DNER: variants seen among roughly 807,000 people sequenced by gnomAD.
The protein encoded by DNER is delta and Notch-like epidermal growth factor-related receptor.
Under a neutral mutation model 78.2 loss-of-function variants are expected in DNER, and 33 were observed. The observed-to-expected ratio is 0.42, with a 90% CI of 0.32 to 0.56. The LOEUF (loss-of-function observed/expected upper bound fraction) is 0.56. DNER is among the 20% of genes least tolerant of loss of function. The probability of loss-of-function intolerance (pLI) is 0.11; values close to 1 mark genes in which losing one functional copy is unlikely to be tolerated. For synonymous variants in DNER, 417 were observed against 384.8 expected, an observed-to-expected ratio of 1.08 and a Z score of -0.98; for missense variants, 918 against 975.3, an observed-to-expected ratio of 0.94 and a Z score of 0.78.
chr2:229,572,585 G>T (rs1697235361), intron 4 of DNER, among the ~76,000 whole-genome samples: 1 of 152,170 alleles, frequency 6.6e-6, no homozygotes, highest in Admixed American at 6.5e-5. Context: ...AAAGCACTGT[G>T]CTAAAGGAAC....
intron 5 of DNER, among the ~76,000 whole-genome samples, chr2:229,532,216 C>T (rs1001218478): frequency 6.6e-6 from 1 of 152,120 alleles, no homozygotes; most frequent in South Asian, 2.1e-4. Flanking sequence ...CCTGACATCA[C>T]TCGCTCAGAA....
chr2:229,379,706 T>C (rs1692692498), intron 11 of DNER, among the ~76,000 whole-genome samples: 1 of 152,166 alleles, frequency 6.6e-6, no homozygotes, highest in South Asian at 2.1e-4. Context: ...TGATCCCATT[T>C]TCTGGAAAAG....
At position 229,542,520 on chromosome 2, in the gene DNER, T is replaced by C. The variant is rs542539569; in HGVS notation, c.993+4427A>G. On this transcript the variant is annotated intron_variant, in intron 5 of 12. Transcript: ENST00000341772. ...AATAACAGAATTGCTTTTATTTTGA[T>C]GGATGATCTAATAAAAAGACATAAA... 2.0e-4 allele frequency among the ~76,000 whole-genome samples: 31 copies of C among 152,264 alleles called. No individual in the cohort carries two copies. In the Middle Eastern group the frequency reaches 0.014, roughly 67 times the overall value.
chr2:229,684,684 T>C (rs546561022), intron 1 of DNER, among the ~76,000 whole-genome samples: 13 of 152,214 alleles, frequency 8.5e-5, no homozygotes, highest in African/African-American at 3.1e-4. Flanking sequence ...TATGAGTGAG[T>C]GGAATTTACC....
chr2:229,684,719 T>C (rs12466507), intron 1 of DNER, among the ~76,000 whole-genome samples: 2 of 152,072 alleles, frequency 1.3e-5, no homozygotes, highest in African/African-American at 4.8e-5. Context: ...GGGGCAGTTT[T>C]CTTGGAGGTG....
intron 6 of DNER, among the ~76,000 whole-genome samples, chr2:229,493,344 A>C (rs1302794358): frequency 6.6e-6 from 1 of 152,234 alleles, no homozygotes; most frequent in Non-Finnish European, 1.5e-5. Flanking sequence ...CAGAAAAAGA[A>C]ATAGCTCCTT....
intron 10 of DNER, among the ~76,000 whole-genome samples, chr2:229,397,207 G>T (rs1693164165): frequency 1.3e-5 from 2 of 152,038 alleles, no homozygotes; most frequent in Non-Finnish European, 2.9e-5. Flanking sequence ...ATTCCAAGAA[G>T]TTGAGAGAAA....
At chr2:229,672,969 T>C (rs1699234813) in intron 1 of DNER, among the ~76,000 whole-genome samples, 1 of 152,226 alleles carries the variant, frequency 6.6e-6, no homozygotes, top group African/African-American at 2.4e-5. Context: ...ACTGTCGTTT[T>C]GAGAGCCGCC....
intron 8 of DNER, among the ~76,000 whole-genome samples, chr2:229,420,562 A>C (rs749451310): frequency 2.6e-5 from 4 of 152,188 alleles, no homozygotes; most frequent in Non-Finnish European, 5.9e-5. Flanking sequence ...CAGGCCTTAC[A>C]TCTAAGCTTT....
chr2:229,493,184 G>A (rs142629688), intron 6 of DNER, among the ~76,000 whole-genome samples: 26 of 152,266 alleles, frequency 1.7e-4, no homozygotes, highest in Non-Finnish European at 2.4e-4. Context: ...CAACATTCCC[G>A]TTGCCTCGGA....
intron 11 of DNER, among the ~76,000 whole-genome samples, chr2:229,387,523 GAA>G (rs1185183354): frequency 3.4e-5 from 4 of 117,492 alleles, no homozygotes; most frequent in Admixed American, 1.8e-4. Flanking sequence ...AAGAAAGAAA[GAA>G]AGAAAGAAAG....
At chr2:229,490,740 T>C (rs374114623) in intron 6 of DNER, among the ~76,000 whole-genome samples, 4 of 152,244 alleles carry the variant, frequency 2.6e-5, no homozygotes, top group Admixed American at 1.3e-4. Flanking sequence ...TGTATCTCAA[T>C]AAAGCTGTTA....
In DNER at chr2:229,714,262, C is replaced by A. The variant is rs1384475800; in HGVS notation, c.162G>T (p.Arg54=). 1 of 1,402,338 alleles carries A rather than the reference C, an allele frequency of 7.1e-7. No individual in the cohort carries two copies. Among genetic ancestry groups the A allele is most frequent in the Non-Finnish European group, 9.3e-7 (1 of 1,079,386 alleles). 86.9% of individuals were successfully genotyped at this position (1,402,338 alleles called of 1,614,324 possible). A position where few individuals can be genotyped will look rare whatever the true frequency, so the allele number is the denominator to read the frequency against. Residue 54 remains arginine (R), a synonymous_variant, in exon 1 of 13, where the codon CGG becomes CGT. Coordinates refer to ENST00000341772, the MANE Select transcript of DNER (RefSeq NM_139072.4). ...GGCGCGAGGTGCACACACCCCCATT[C>A]CGGCAGGGCTGCGCGGCGCACGGCC... ...APGPCAAQPC[R]NGGVCTSRPE...
chr2:229,569,724 T>C (rs1377603380), intron 4 of DNER, among the ~76,000 whole-genome samples: 1 of 152,160 alleles, frequency 6.6e-6, no homozygotes, highest in Non-Finnish European at 1.5e-5. Context: ...GTTACATTAT[T>C]ATTGTTTATT....
chr2:229,507,265 C>CATA (rs1695762807), intron 6 of DNER, among the ~76,000 whole-genome samples: 1 of 152,214 alleles, frequency 6.6e-6, no homozygotes, highest in Non-Finnish European at 1.5e-5. Flanking sequence ...CGGTCCATCA[C>CATA]TGACTGTCAG....
At chr2:229,627,240 G>A (rs1036988665) in intron 1 of DNER, among the ~76,000 whole-genome samples, 1 of 152,068 alleles carries the variant, frequency 6.6e-6, no homozygotes, top group Non-Finnish European at 1.5e-5. Context: ...CTCACAATAA[G>A]CACCTACAGA....
chr2:229,532,854 G>T (rs1473986138), intron 5 of DNER, among the ~76,000 whole-genome samples: 1 of 152,210 alleles, frequency 6.6e-6, no homozygotes, highest in Non-Finnish European at 1.5e-5. Context: ...GCCCCCTGTG[G>T]GCTGCTGGCA....
intron 6 of DNER, among the ~76,000 whole-genome samples, chr2:229,482,204 T>C (rs1474884886): frequency 1.3e-5 from 2 of 152,232 alleles, no homozygotes; most frequent in African/African-American, 2.4e-5. Context: ...GCCAAGTTAT[T>C]GTCACAACCA....
chr2:229,651,747 C>T (rs1427421411), intron 1 of DNER, among the ~76,000 whole-genome samples: 1 of 152,170 alleles, frequency 6.6e-6, no homozygotes, highest in Admixed American at 6.5e-5. Context: ...GGTGACATCT[C>T]AGAATAAGTC....
Sources: gnomAD v4.1 joint callset for allele counts (sites outside exome capture counted in the v4.1 genomes callset) on GRCh38, gnomAD v4.1.1 for gene constraint, MANE v1.5 for transcripts, NCBI Gene and HGNC (gene_info 2026-07-23, HGNC 2026-07-21) for gene names.